The following CEP128 variants were observed in gnomAD, a reference collection of about 807,000 sequenced individuals.
CEP128 encodes centrosomal protein 128kDa.
In CEP128, 132 loss-of-function variants were observed where a neutral mutation model predicts 156.7. The observed-to-expected ratio is 0.84, with a 90% CI of 0.73 to 0.97. The LOEUF is 0.97. Ranked by LOEUF, CEP128 falls within the 50% of genes least tolerant of loss-of-function variation. The pLI is 0.00. For synonymous variants in CEP128, 469 were observed against 448.9 expected, an observed-to-expected ratio of 1.04 and a Z score of -0.57; for missense variants, 1,252 against 1,281.9, an observed-to-expected ratio of 0.98 and a Z score of 0.36.
intron 20 of CEP128, among the ~76,000 whole-genome samples, chr14:80,569,723 C>A (rs1276732629): frequency 6.6e-6 from 1 of 152,172 alleles, no homozygotes; most frequent in African/African-American, 2.4e-5. Flanking sequence ...TCCAGGCAGG[C>A]ACCTGTTTTT....
intron 2 of CEP128, among the ~76,000 whole-genome samples, chr14:80,957,467 A>C (rs200303472): frequency 2.6e-4 from 10 of 38,622 alleles, no homozygotes; most frequent in African/African-American, 1.1e-3. Flanking sequence ...CAGAAAAAAC[A>C]AAAAAAAAAA....
Position 80,500,115 on chromosome 14 carries a change from A to C in CEP128, c.3182-2533T>G, listed in dbSNP as rs1032590602. ...TCTTGAATTGACCTGAACTACACAAAGCTGACATAAATTACTTCTTAAAAC... is the reference window on the plus strand; with the variant it reads ...TCTTGAATTGACCTGAACTACACAACGCTGACATAAATTACTTCTTAAAAC... On this transcript the variant is annotated intron_variant, in intron 24 of 24. Transcript: ENST00000555265. Among the ~76,000 whole-genome samples, 4 of 152,202 alleles carry C rather than the reference A, an allele frequency of 2.6e-5. No individual in the cohort carries two copies. In the East Asian group the frequency reaches 7.7e-4, roughly 29 times the overall value.
At chr14:80,633,144 G>A (rs2619667) in intron 19 of CEP128, among the ~76,000 whole-genome samples, 53,501 of 151,448 alleles carry the variant, frequency 0.35, 11,198 homozygotes, top group African/African-American at 0.59. Context: ...GGAGGATCAC[G>A]TGAGCCCAGA....
intron 19 of CEP128, among the ~76,000 whole-genome samples, chr14:80,611,871 A>C (rs1388742048): frequency 1.3e-5 from 2 of 152,146 alleles, no homozygotes; most frequent in African/African-American, 4.8e-5. Flanking sequence ...TAGCCTGGCC[A>C]ACATGGTGAA....
At chr14:80,891,863 G>A (rs72693029) in intron 8 of CEP128, among the ~76,000 whole-genome samples, 23,095 of 151,582 alleles carry the variant, frequency 0.15, 2,049 homozygotes, top group Admixed American at 0.22. Context: ...TAACAAAGGT[G>A]AAAATCCTGT....
chr14:80,941,950 A>ATT (rs113688192), upstream of CEP128, among the ~76,000 whole-genome samples: 1 of 146,010 alleles, frequency 6.8e-6, no homozygotes, highest in Non-Finnish European at 1.5e-5. Context: ...GCCCTGCTCT[A>ATT]TTTTTTTTTT....
At chr14:80,498,858 C>G (rs1399963784) in intron 24 of CEP128, among the ~76,000 whole-genome samples, 3 of 152,330 alleles carry the variant, frequency 2.0e-5, no homozygotes, top group Non-Finnish European at 4.4e-5. Context: ...ACTGGTTGAA[C>G]AACTGAATAT....
chr14:80,757,415 T>C (rs1899722133), intron 17 of CEP128, among the ~76,000 whole-genome samples: 1 of 152,204 alleles, frequency 6.6e-6, no homozygotes, highest in African/African-American at 2.4e-5. Flanking sequence ...GTCTTATCAA[T>C]GATTGTCAAT....
chr14:80,915,753 T>C (rs1448052158), intron 3 of CEP128, among the ~76,000 whole-genome samples: 1 of 152,212 alleles, frequency 6.6e-6, no homozygotes, highest in Non-Finnish European at 1.5e-5. Flanking sequence ...TCATTTCTAC[T>C]GGTTTCACTC....
rs566799687 is a variant in CEP128 at position 80,660,344 on chromosome 14, TTTGC to T, written c.2807-79925_2807-79922del. On this transcript the variant is annotated intron_variant, in intron 19 of 24. Coordinates refer to ENST00000555265, the MANE Select transcript of CEP128 (RefSeq NM_152446.5). ...TGTCAGTGTATATGTTAAAATATTT[TTTGC>T]TTATTGTATTATGAGTTCTGAGATA... is the stretch of plus-strand genomic sequence containing the variant. Among the ~76,000 whole-genome samples, 67 of 152,320 alleles carry T rather than the reference TTTGC, an allele frequency of 4.4e-4. 3 individuals carry two copies. The highest frequency in any genetic ancestry group is 3.9e-3 in the Admixed American group (59 of 15,286).
chr14:80,896,744 T>C (rs532194161), intron 7 of CEP128, among the ~76,000 whole-genome samples: 4 of 152,182 alleles, frequency 2.6e-5, no homozygotes, highest in Non-Finnish European at 5.9e-5. Flanking sequence ...ATATGGGCCT[T>C]ACTTATCACA....
At chr14:80,587,838 T>C (rs1891883103) in intron 19 of CEP128, among the ~76,000 whole-genome samples, 1 of 152,180 alleles carries the variant, frequency 6.6e-6, no homozygotes, top group African/African-American at 2.4e-5. Context: ...AATCCAGGCA[T>C]AAAATCATTT....
chr14:80,736,550 C>T (rs1001779593), intron 19 of CEP128, among the ~76,000 whole-genome samples: 4 of 151,988 alleles, frequency 2.6e-5, no homozygotes, highest in African/African-American at 9.7e-5. Context: ...TCTCTCCCCT[C>T]AATATTTTGG....
intron 2 of CEP128, among the ~76,000 whole-genome samples, chr14:80,917,773 G>A (rs1884643981): frequency 1.3e-5 from 2 of 152,164 alleles, no homozygotes; most frequent in South Asian, 4.1e-4. Context: ...AAGAGAATGT[G>A]CTAAATGTAT....
At chr14:80,721,304 T>C (rs72690965) in intron 19 of CEP128, among the ~76,000 whole-genome samples, 15,419 of 152,170 alleles carry the variant, frequency 0.1, 996 homozygotes, top group Non-Finnish European at 0.15. Context: ...GATTCTCTTA[T>C]AAAAAGAATA....
chr14:80,922,002 AT>A (rs1251348336), intron 2 of CEP128, among the ~76,000 whole-genome samples: 4 of 152,164 alleles, frequency 2.6e-5, no homozygotes, highest in Non-Finnish European at 5.9e-5. Flanking sequence ...ATTTTCTACA[AT>A]GATTTGCATT....
chr14:80,524,840 T>C (rs577334094), intron 23 of CEP128, among the ~76,000 whole-genome samples: 62 of 152,336 alleles, frequency 4.1e-4, no homozygotes, highest in Admixed American at 9.2e-4. Context: ...GTCTATTCTA[T>C]ACTTGCACTA....
At chr14:80,667,582 G>C (rs1679137808) in intron 19 of CEP128, among the ~76,000 whole-genome samples, 1 of 152,104 alleles carries the variant, frequency 6.6e-6, no homozygotes, top group Non-Finnish European at 1.5e-5. Context: ...CTCGAGGCCG[G>C]GTGCGGTGGC....
chr14:80,736,461 C>T (rs1039392533), intron 19 of CEP128, among the ~76,000 whole-genome samples: 1 of 151,956 alleles, frequency 6.6e-6, no homozygotes, highest in African/African-American at 2.4e-5. Flanking sequence ...TCTAAGAATT[C>T]ACATAATATA....
Sources: gnomAD v4.1 joint callset for allele counts (sites outside exome capture counted in the v4.1 genomes callset) on GRCh38, gnomAD v4.1.1 for gene constraint, MANE v1.5 for transcripts, NCBI Gene and HGNC (gene_info 2026-07-23, HGNC 2026-07-21) for gene names.